Variants in ITGBL1 observed in about 807,000 individuals in gnomAD.
ITGBL1 encodes the protein integrin beta-like protein 1.
In ITGBL1, 51 loss-of-function variants were observed where a neutral mutation model predicts 68.5. That is an observed-to-expected ratio of 0.74 (90% CI 0.59 to 0.94). ITGBL1 has a LOEUF of 0.94. Among genes scored for constraint, ITGBL1 ranks in the 40% least tolerant of loss-of-function variants. ITGBL1 has a pLI of 0.00. For synonymous variants in ITGBL1, 209 were observed against 227.3 expected (o/e 0.92, Z 0.72); for missense variants, 649 against 647.4 (o/e 1.00, Z -0.03).
At chr13:101,610,393 G>A (rs1594928580) in intron 7 of ITGBL1, among the ~76,000 whole-genome samples, 1 of 152,040 alleles carries the variant, frequency 6.6e-6, no homozygotes, top group African/African-American at 2.4e-5. Context: ...CCCCTCTTAG[G>A]ATACACAAAA....
chr13:101,712,844 C>G (rs978853005), intron 9 of ITGBL1: 2 of 152,128 alleles, frequency 1.3e-5, no homozygotes, highest in African/African-American at 4.8e-5. Flanking sequence ...CAGGAAATTC[C>G]TCACCTTGAT....
intron 3 of ITGBL1, among the ~76,000 whole-genome samples, chr13:101,569,107 TACACAC>T (rs765379576): frequency 2.3e-5 from 3 of 128,868 alleles, no homozygotes; most frequent in South Asian, 5.7e-4. Flanking sequence ...CACCCCTCCA[TACACAC>T]ACACACACGC....
chr13:101,605,935 C>T (rs903358855), intron 7 of ITGBL1, among the ~76,000 whole-genome samples: 5 of 143,396 alleles, frequency 3.5e-5, no homozygotes, highest in East Asian at 2.0e-4. Flanking sequence ...CATATGTATG[C>T]GTGTATGTGT....
chr13:101,572,385 G>C (rs2050287644), intron 3 of ITGBL1, among the ~76,000 whole-genome samples: 1 of 152,070 alleles, frequency 6.6e-6, no homozygotes, highest in African/African-American at 2.4e-5. Context: ...AAAGTAGAAG[G>C]GAGGTCCAGT....
intron 7 of ITGBL1, among the ~76,000 whole-genome samples, chr13:101,600,331 T>G (rs1488653089): frequency 1.3e-5 from 2 of 152,132 alleles, no homozygotes; most frequent in African/African-American, 4.8e-5. Context: ...CTTAAGGAGA[T>G]TTTGGGCTGA....
chr13:101,454,136 C>G (rs896305654), intron 2 of ITGBL1, 36 bp downstream of exon 2: 1 of 1,444,486 alleles, frequency 6.9e-7, no homozygotes, highest in Non-Finnish European at 9.3e-7. Context: ...CTCGGGAGGT[C>G]GAAACTCCTC....
chr13:101,679,337 C>G (rs2033585673), intron 7 of ITGBL1, among the ~76,000 whole-genome samples: 1 of 152,140 alleles, frequency 6.6e-6, no homozygotes, highest in African/African-American at 2.4e-5. Flanking sequence ...TGGTGAATTA[C>G]AGTTGAGTGT....
chr13:101,597,460 G>T (rs1342909589), intron 6 of ITGBL1, among the ~76,000 whole-genome samples: 1 of 146,958 alleles, frequency 6.8e-6, no homozygotes, highest in Non-Finnish European at 1.5e-5. Context: ...CAAAAATACA[G>T]TTAGTCCTTC....
chr13:101,560,906 T>C (rs1436883594), intron 2 of ITGBL1, among the ~76,000 whole-genome samples: 4 of 152,212 alleles, frequency 2.6e-5, no homozygotes, highest in African/African-American at 9.6e-5. Flanking sequence ...TGTAAGATTT[T>C]GGTTTCCACT....
intron 7 of ITGBL1, among the ~76,000 whole-genome samples, chr13:101,644,823 C>T (rs1219136700): frequency 6.6e-6 from 1 of 151,900 alleles, no homozygotes; most frequent in East Asian, 1.9e-4. Flanking sequence ...TGTGGAGTAC[C>T]TAATGAAAAT....
intron 2 of ITGBL1, among the ~76,000 whole-genome samples, chr13:101,549,712 G>A (rs1403125215): frequency 2.0e-5 from 3 of 151,920 alleles, no homozygotes; most frequent in African/African-American, 2.4e-5. Flanking sequence ...GTTGACACAT[G>A]TCAGTGAAAA....
chr13:101,452,852 A>G lies in ITGBL1; in HGVS notation c.19A>G (p.Arg7Gly). The G allele has an allele frequency of 6.2e-7, 1 of 1,614,148 alleles. No homozygotes were observed. Among genetic ancestry groups the G allele is most frequent in the Admixed American group, 1.7e-5 (1 of 60,028 alleles). Residue 7 changes from arginine (R) to glycine (G), a missense_variant, in exon 1 of 11, where the codon AGG becomes GGG. Physicochemically the swap from Arg to Gly is moderately radical, Grantham distance 125. Transcript: ENST00000376180. ...GCTCAGCATGCGTCCCCCAGGCTTC[A>G]GGAACTTCTTGCTGCTGGCGTCCTC... MRPPGF[R>G]NFLLLASSLL...
intron 8 of ITGBL1, among the ~76,000 whole-genome samples, chr13:101,703,976 A>G (rs2034194179): frequency 6.6e-6 from 1 of 152,176 alleles, no homozygotes; most frequent in African/African-American, 2.4e-5. Context: ...TGATCATCTG[A>G]GTGCAGGACT....
At chr13:101,521,277 A>T (rs984672492) in intron 2 of ITGBL1, among the ~76,000 whole-genome samples, 1 of 152,214 alleles carries the variant, frequency 6.6e-6, no homozygotes, top group Non-Finnish European at 1.5e-5. Flanking sequence ...CAACAGATAC[A>T]ACTGACGAAA....
At chr13:101,605,980 G>A (rs1167265571) in intron 7 of ITGBL1, among the ~76,000 whole-genome samples, 1 of 144,904 alleles carries the variant, frequency 6.9e-6, no homozygotes, top group African/African-American at 2.5e-5. Flanking sequence ...ATGCATATAT[G>A]TGTATATATA....
chr13:101,593,997 A>G (rs556287349), intron 6 of ITGBL1, among the ~76,000 whole-genome samples: 2 of 152,282 alleles, frequency 1.3e-5, no homozygotes, highest in South Asian at 4.1e-4. Flanking sequence ...CTATATATGT[A>G]TCAAAACATC....
intron 6 of ITGBL1, among the ~76,000 whole-genome samples, chr13:101,592,090 T>G (rs1431299892): frequency 6.6e-6 from 1 of 152,170 alleles, no homozygotes. Flanking sequence ...GGAAGCAGAA[T>G]CAGGATTTGA....
At chr13:101,515,489 G>T (rs1011982813) in intron 2 of ITGBL1, among the ~76,000 whole-genome samples, 2 of 152,062 alleles carry the variant, frequency 1.3e-5, no homozygotes, top group Admixed American at 1.3e-4. Flanking sequence ...TTCTTGTTGG[G>T]TTGTGTTAGC....
intron 2 of ITGBL1, among the ~76,000 whole-genome samples, chr13:101,520,806 G>A (rs1271175015): frequency 1.3e-5 from 2 of 152,184 alleles, no homozygotes; most frequent in African/African-American, 4.8e-5. Flanking sequence ...CCATCACAAA[G>A]CCAAGGGGCC....
Sources: gnomAD v4.1 joint callset for allele counts (sites outside exome capture counted in the v4.1 genomes callset) on GRCh38, gnomAD v4.1.1 for gene constraint, MANE v1.5 for transcripts, NCBI Gene and HGNC (gene_info 2026-07-23, HGNC 2026-07-21) for gene names.